Variants in GALNT13 observed in about 807,000 individuals in gnomAD.
The protein encoded by GALNT13 is polypeptide N-acetylgalactosaminyltransferase 13.
A neutral mutation model predicts 64.2 loss-of-function variants in GALNT13; 28 were observed. That is an observed-to-expected ratio of 0.44 (90% confidence interval 0.32 to 0.60). The LOEUF (loss-of-function observed/expected upper bound fraction) is 0.60. GALNT13 is among the 20% of genes least tolerant of loss of function. GALNT13 has a pLI of 0.05. For synonymous variants in GALNT13, 214 were observed against 224.6 expected, an observed-to-expected ratio of 0.95 and a Z score of 0.42; for missense variants, 577 against 669.8, an observed-to-expected ratio of 0.86 and a Z score of 1.53.
chr2:153,910,964 C>T (rs1463511252), intron 2 of GALNT13, among the ~76,000 whole-genome samples: 2 of 152,096 alleles, frequency 1.3e-5, no homozygotes, highest in Non-Finnish European at 2.9e-5. Context: ...AGTTCAAGTC[C>T]TAAATGTCTT....
chr2:153,610,044 C>A, the GALNT13 span, among the ~76,000 whole-genome samples: 2 of 152,104 alleles, frequency 1.3e-5, no homozygotes, highest in African/African-American at 4.8e-5. Context: ...ACCTCCTGCT[C>A]TACTGGCTGT....
the GALNT13 span, among the ~76,000 whole-genome samples, chr2:153,267,702 G>T: frequency 6.6e-6 from 1 of 151,682 alleles, no homozygotes; most frequent in Non-Finnish European, 1.5e-5. Context: ...TCTCTGATAT[G>T]CCCTGGAGGC....
At chr2:153,844,527 A>G in the GALNT13 span, among the ~76,000 whole-genome samples, 1 of 152,188 alleles carries the variant, frequency 6.6e-6, no homozygotes, top group Non-Finnish European at 1.5e-5. Context: ...AGGTCTCTGA[A>G]AGGCCTTCAA....
chr2:153,237,903 C>A, the GALNT13 span, among the ~76,000 whole-genome samples: 1 of 152,036 alleles, frequency 6.6e-6, no homozygotes, highest in Non-Finnish European at 1.5e-5. Flanking sequence ...TTTGAGAAAA[C>A]TCAAAACTGT....
intron 11 of GALNT13, among the ~76,000 whole-genome samples, chr2:154,414,029 G>A (rs1213798164): frequency 6.6e-6 from 1 of 151,656 alleles, no homozygotes; most frequent in Non-Finnish European, 1.5e-5. Flanking sequence ...TTCTTTTATT[G>A]TTTAACATAC....
the GALNT13 span, among the ~76,000 whole-genome samples, chr2:153,788,812 C>G: frequency 3.3e-5 from 5 of 151,704 alleles, no homozygotes; most frequent in Admixed American, 3.3e-4. Context: ...TAACTTCAGA[C>G]AAAACAGACT....
chr2:153,449,622 A>G, the GALNT13 span: 3 of 153,410 alleles, frequency 2.0e-5, no homozygotes, highest in African/African-American at 4.8e-5. Flanking sequence ...CTATAACAAA[A>G]ATACCTAAGA....
rs201481470 is a variant in GALNT13, at chr2:154,021,133, G to T, written c.142+76494G>T. ...GTAGTATAGTTTGAAGTCAGGTAGC[G>T]TGATGCCTCCAGCTTTGTTCTTTTG... On this transcript the variant is annotated intron_variant, in intron 3 of 12. Coordinates refer to ENST00000392825, the MANE Select transcript of GALNT13 (RefSeq NM_052917.4). 5.3e-5 allele frequency among the ~76,000 whole-genome samples: 8 copies of T among 152,266 alleles called. No homozygotes were observed. The East Asian group carries it at 1.4e-3, about 26-fold the overall frequency.
At chr2:153,823,590 C>CA in the GALNT13 span, among the ~76,000 whole-genome samples, 8,443 of 152,120 alleles carry the variant, frequency 0.056, 317 homozygotes, top group East Asian at 0.13. Context: ...AATTAGACCC[C>CA]CAACCTTCAC....
At chr2:153,613,788 T>TA in the GALNT13 span, among the ~76,000 whole-genome samples, 2 of 152,050 alleles carry the variant, frequency 1.3e-5, no homozygotes, top group Admixed American at 1.3e-4. Flanking sequence ...TCCATGTCCC[T>TA]ACAAAGGACA....
chr2:154,274,126 A>G (rs540772843), intron 8 of GALNT13, among the ~76,000 whole-genome samples: 2 of 152,194 alleles, frequency 1.3e-5, no homozygotes, highest in African/African-American at 2.4e-5. Flanking sequence ...TAAACCTGCA[A>G]TAGACCCTGT....
the GALNT13 span, among the ~76,000 whole-genome samples, chr2:153,160,046 TG>T: frequency 6.6e-6 from 1 of 152,174 alleles, no homozygotes; most frequent in Non-Finnish European, 1.5e-5. Flanking sequence ...TCCACCATAT[TG>T]TAATAAAGTA....
chr2:154,216,057 GTTAAC>G (rs1436401964), intron 4 of GALNT13, among the ~76,000 whole-genome samples: 1 of 151,874 alleles, frequency 6.6e-6, no homozygotes, highest in Non-Finnish European at 1.5e-5. Flanking sequence ...TTTACCATTT[GTTAAC>G]TTACATTACA....
the GALNT13 span, among the ~76,000 whole-genome samples, chr2:153,404,547 A>C: frequency 1.3e-5 from 2 of 152,100 alleles, no homozygotes; most frequent in South Asian, 4.1e-4. Flanking sequence ...AAATCTAGGA[A>C]AAGTATTTCC....
intron 3 of GALNT13, among the ~76,000 whole-genome samples, chr2:153,994,408 T>A (rs992646550): frequency 1.3e-5 from 2 of 152,226 alleles, no homozygotes; most frequent in African/African-American, 4.8e-5. Context: ...GCAGCACGAT[T>A]TATAATCCTT....
At chr2:153,835,120 A>C in the GALNT13 span, among the ~76,000 whole-genome samples, 2 of 152,018 alleles carry the variant, frequency 1.3e-5, no homozygotes, top group Admixed American at 1.3e-4. Flanking sequence ...CTAGTTCTAG[A>C]CTTTTTCCTC....
the GALNT13 span, among the ~76,000 whole-genome samples, chr2:153,465,829 T>C: frequency 1.4e-4 from 21 of 152,014 alleles, no homozygotes; most frequent in Non-Finnish European, 3.1e-4. Context: ...AAACAAAAGA[T>C]GATTTTTGCA....
At chr2:153,665,773 G>A in the GALNT13 span, among the ~76,000 whole-genome samples, 1 of 152,060 alleles carries the variant, frequency 6.6e-6, no homozygotes, top group African/African-American at 2.4e-5. Flanking sequence ...ACTTCTGCAT[G>A]GAACTCTGGA....
At chr2:153,284,457 T>G in the GALNT13 span, among the ~76,000 whole-genome samples, 3 of 152,190 alleles carry the variant, frequency 2.0e-5, no homozygotes, top group Admixed American at 6.5e-5. Flanking sequence ...AAAGAATGAC[T>G]GTCTTTATAT....
Sources: gnomAD v4.1 joint callset for allele counts (sites outside exome capture counted in the v4.1 genomes callset) on GRCh38, gnomAD v4.1.1 for gene constraint, MANE v1.5 for transcripts, NCBI Gene and HGNC (gene_info 2026-07-23, HGNC 2026-07-21) for gene names.